Variants in SMARCC1 observed in about 807,000 individuals in gnomAD.
SMARCC1 encodes SWI/SNF complex subunit SMARCC1.
SMARCC1 carries 43 observed loss-of-function variants against 147.4 expected under a neutral mutation model. That is an observed-to-expected ratio of 0.29 (90% CI 0.23 to 0.38). The LOEUF (loss-of-function observed/expected upper bound fraction) is 0.38, where lower values mean the gene tolerates loss of function less well. SMARCC1 is among the 10% of genes least tolerant of loss of function. SMARCC1 has a pLI of 1.00. For synonymous variants in SMARCC1, 495 were observed against 484.4 expected, an observed-to-expected ratio of 1.02 and a Z score of -0.29; for missense variants, 1,119 against 1,381.1, an observed-to-expected ratio of 0.81 and a Z score of 3.01.
chr3:47,618,659 T>C lies in SMARCC1; in HGVS notation c.2781+3548A>G, dbSNP rs180731954. 4.0e-3 allele frequency among the ~76,000 whole-genome samples: 611 copies of C among 152,186 alleles called. 5 individuals carry two copies. Among genetic ancestry groups the C allele is most frequent in the African/African-American group, 0.014 (588 of 41,532 alleles). The stretch of plus-strand genomic sequence containing the variant: ...TGCAGGGCTGAGAGAAGAGGAGCGG[T>C]TATACACTGCCCCTTGGTGTCTGGG... On this transcript the variant is annotated intron_variant, in intron 25 of 27. Transcript: ENST00000254480.
intron 23 of SMARCC1, 48 bp from the exon 24 acceptor site, chr3:47,635,392 C>T: frequency 2.0e-6 from 3 of 1,536,902 alleles, no homozygotes; most frequent in East Asian, 2.3e-5. Flanking sequence ...CTCTCGAAAA[C>T]CCATCTTTCT....
intron 10 of SMARCC1, among the ~76,000 whole-genome samples, chr3:47,702,773 T>C (rs1296334925): frequency 6.6e-6 from 1 of 152,116 alleles, no homozygotes; most frequent in African/African-American, 2.4e-5. Flanking sequence ...CTATTTTTCT[T>C]TCTCTAATTT....
At chr3:47,744,022 C>G (rs2034538594) in intron 3 of SMARCC1, among the ~76,000 whole-genome samples, 1 of 152,128 alleles carries the variant, frequency 6.6e-6, no homozygotes, top group South Asian at 2.1e-4. Flanking sequence ...ACCATCTCTA[C>G]AAGTACAGAG....
At chr3:47,624,894 T>TAAAAAAAAAA (rs60766054) in intron 24 of SMARCC1, among the ~76,000 whole-genome samples, 1 of 111,748 alleles carries the variant, frequency 8.9e-6, no homozygotes, top group Non-Finnish European at 1.9e-5. Context: ...TACTAAAAAT[T>TAAAAAAAAAA]AAAAAAAAAA....
chr3:47,718,739 AAAG>A (rs2034192679), intron 7 of SMARCC1, among the ~76,000 whole-genome samples: 1 of 152,016 alleles, frequency 6.6e-6, no homozygotes, highest in Admixed American at 6.6e-5. Flanking sequence ...AAAGTAGGTG[AAAG>A]AAGACTGACT....
chr3:47,745,887 C>G (rs752801747), intron 3 of SMARCC1, 21 bp downstream of exon 3: 1 of 1,432,476 alleles, frequency 7.0e-7, no homozygotes, highest in Non-Finnish European at 9.5e-7. Flanking sequence ...TCAAAACATG[C>G]AAACAAATAC....
intron 18 of SMARCC1, among the ~76,000 whole-genome samples, chr3:47,673,896 T>G (rs1167794629): frequency 3.3e-5 from 5 of 152,200 alleles, no homozygotes; most frequent in Admixed American, 2.6e-4. Context: ...AGGTTAGTTT[T>G]TCTTGGATCT....
chr3:47,729,694 T>C (rs2034345886), intron 5 of SMARCC1, among the ~76,000 whole-genome samples: 1 of 152,204 alleles, frequency 6.6e-6, no homozygotes, highest in African/African-American at 2.4e-5. Flanking sequence ...TCAGGTACTA[T>C]TACTTCTTAA....
At chr3:47,762,396 C>G (rs976320603) in intron 2 of SMARCC1, among the ~76,000 whole-genome samples, 25 of 152,278 alleles carry the variant, frequency 1.6e-4, no homozygotes, top group African/African-American at 6.0e-4. Flanking sequence ...CCAGACTGAT[C>G]CAGTTGGTGA....
intron 11 of SMARCC1, among the ~76,000 whole-genome samples, chr3:47,700,840 T>C (rs1207307794): frequency 6.6e-6 from 1 of 152,132 alleles, no homozygotes; most frequent in Non-Finnish European, 1.5e-5. Flanking sequence ...TGAATTTAAT[T>C]ACATTGAATA....
At chr3:47,759,203 A>C (rs2034741927) in intron 2 of SMARCC1, among the ~76,000 whole-genome samples, 1 of 151,578 alleles carries the variant, frequency 6.6e-6, no homozygotes, top group South Asian at 2.1e-4. Context: ...TGTAGAGACC[A>C]GCTTTTGCCA....
intron 27 of SMARCC1, among the ~76,000 whole-genome samples, 155 bp downstream of exon 27, chr3:47,590,506 C>T (rs556293325): frequency 3.0e-4 from 45 of 152,190 alleles, no homozygotes; most frequent in Admixed American, 7.9e-4. Flanking sequence ...TGCTGAAGAA[C>T]ACAGACTGAA....
Position 47,710,728 on chromosome 3 carries a change from C to T in SMARCC1, c.873G>A (p.Arg291=), listed in dbSNP as rs1181715385. Reference sequence around the variant, plus strand: ...TCCGCTGACGAAAACTCACAGGCTTCCTATTTTCATCCACCTCATAATCCT... The same window carrying T: ...TCCGCTGACGAAAACTCACAGGCTTTCTATTTTCATCCACCTCATAATCCT... ...NEEDYEVDEN[R]KPVSFRQRIS... Residue 291 remains arginine (R), a synonymous_variant, in exon 9 of 28, where the codon AGG becomes AGA. Transcript: ENST00000254480. 8 of 1,613,632 alleles carry T rather than the reference C, an allele frequency of 5.0e-6. No homozygotes were observed. The Admixed American group carries it at 1.3e-4, about 27-fold the overall frequency.
chr3:47,678,912 T>C (rs1253417832), intron 15 of SMARCC1, among the ~76,000 whole-genome samples: 2 of 152,202 alleles, frequency 1.3e-5, no homozygotes, highest in African/African-American at 4.8e-5. Context: ...GTCATGTGGA[T>C]TTGGCTCTGC....
At chr3:47,675,889 G>A (rs887663630) in intron 17 of SMARCC1, among the ~76,000 whole-genome samples, 3 of 149,796 alleles carry the variant, frequency 2.0e-5, no homozygotes, top group Non-Finnish European at 4.4e-5. Context: ...AAGTTGCAGC[G>A]AACCAAGATC....
Position 47,655,048 on chromosome 3 carries a change from A to G in SMARCC1, c.2320+6246T>C, listed in dbSNP as rs369537529. Among the ~76,000 whole-genome samples, 32 of 152,362 alleles carry G rather than the reference A, an allele frequency of 2.1e-4. 1 individual carries two copies. Among genetic ancestry groups the G allele is most frequent in the Admixed American group, 2.6e-4 (4 of 15,298 alleles). On this transcript the variant is annotated intron_variant, in intron 21 of 27. Coordinates refer to ENST00000254480, the MANE Select transcript of SMARCC1 (RefSeq NM_003074.4). ...GACTGGCACTTAATTCAAACAAAGT[A>G]GAGAGAACAACAGGGGTAGGCCCTA...
At chr3:47,642,097 C>A (rs899533900) in intron 21 of SMARCC1, among the ~76,000 whole-genome samples, 1 of 152,062 alleles carries the variant, frequency 6.6e-6, no homozygotes, top group Non-Finnish European at 1.5e-5. Flanking sequence ...CTATTAAAAT[C>A]AAGGACTTCT....
At chr3:47,741,258 A>C (rs1274963604) in intron 3 of SMARCC1, among the ~76,000 whole-genome samples, 1 of 151,756 alleles carries the variant, frequency 6.6e-6, no homozygotes, top group South Asian at 2.1e-4. Context: ...AGAGTTAGTC[A>C]TATCAACCAA....
intron 2 of SMARCC1, among the ~76,000 whole-genome samples, chr3:47,756,714 T>C (rs903463712): frequency 6.6e-6 from 1 of 152,174 alleles, no homozygotes; most frequent in Non-Finnish European, 1.5e-5. Flanking sequence ...ATTCATGTAT[T>C]TCTTGTGGCT....
Sources: gnomAD v4.1 joint callset for allele counts (sites outside exome capture counted in the v4.1 genomes callset) on GRCh38, gnomAD v4.1.1 for gene constraint, MANE v1.5 for transcripts, NCBI Gene and HGNC (gene_info 2026-07-23, HGNC 2026-07-21) for gene names.